ZNF423: variants seen among roughly 807,000 people sequenced by gnomAD.
ZNF423 encodes Ebf-associated zinc finger protein.
ZNF423 carries 12 observed loss-of-function variants against 95.8 expected under a neutral mutation model. That is an observed-to-expected ratio of 0.13 (90% CI 0.08 to 0.20). The LOEUF (loss-of-function observed/expected upper bound fraction) is 0.20. Among genes scored for constraint, ZNF423 ranks in the 10% least tolerant of loss-of-function variants. The pLI is 1.00. For synonymous variants in ZNF423, 749 were observed against 711.9 expected, an observed-to-expected ratio of 1.05 and a Z score of -0.83; for missense variants, 1,316 against 1,737.1, an observed-to-expected ratio of 0.76 and a Z score of 4.31.
intron 1 of ZNF423, among the ~76,000 whole-genome samples, chr16:49,848,754 CATA>C (rs1297382639): frequency 1.3e-5 from 2 of 152,122 alleles, no homozygotes; most frequent in Admixed American, 1.3e-4. Flanking sequence ...TCTGGTGGTT[CATA>C]ATAATAACTT....
intron 3 of ZNF423, among the ~76,000 whole-genome samples, chr16:49,657,317 C>A (rs1472353452): frequency 6.6e-6 from 1 of 152,228 alleles, no homozygotes; most frequent in Non-Finnish European, 1.5e-5. Context: ...CACTCCCTGT[C>A]TCCAGCCATG....
In ZNF423 at chr16:49,489,007, C is replaced by T. The variant is rs1469824595; in HGVS notation, c.*2268G>A. Reference sequence around the variant, plus strand: ...TACCTCACGGTCCCCTAGGCCGCCTCTCTCCTTACCCAAGGCATCAGCCGG... The same window carrying T: ...TACCTCACGGTCCCCTAGGCCGCCTTTCTCCTTACCCAAGGCATCAGCCGG... On this transcript the variant is annotated 3_prime_UTR_variant, in exon 8 of 8. Transcript: ENST00000563137. 6.6e-6 allele frequency: 1 copy of T among 152,248 alleles called. No homozygotes were observed. Among genetic ancestry groups the T allele is most frequent in the Non-Finnish European group, 1.5e-5 (1 of 68,072 alleles). 9.4% of individuals were successfully genotyped at this position (152,248 alleles called of 1,614,324 possible). A position where few individuals can be genotyped will look rare whatever the true frequency, so the allele number is the denominator to read the frequency against.
intron 2 of ZNF423, among the ~76,000 whole-genome samples, chr16:49,739,340 C>T (rs923601856): frequency 9.9e-5 from 15 of 152,172 alleles, no homozygotes; most frequent in Non-Finnish European, 1.5e-4. Context: ...CCGGAGGGGT[C>T]TGGCAGGAGG....
intron 1 of ZNF423, among the ~76,000 whole-genome samples, chr16:49,831,500 G>A (rs2035060514): frequency 6.6e-6 from 1 of 152,124 alleles, no homozygotes; most frequent in African/African-American, 2.4e-5. Flanking sequence ...CACCTATAAA[G>A]CGGAACTAAT....
intron 1 of ZNF423, chr16:49,826,701 A>G (rs2035008897): frequency 6.6e-6 from 1 of 152,252 alleles, no homozygotes. Context: ...TTTTCTACAC[A>G]GAACTATCAG....
intron 5 of ZNF423, among the ~76,000 whole-genome samples, chr16:49,608,602 G>A (rs1349487536): frequency 1.3e-5 from 2 of 152,144 alleles, no homozygotes; most frequent in South Asian, 2.1e-4. Context: ...GTGACAAAGC[G>A]GTGAGGATCC....
At chr16:49,742,936 G>A (rs554528716) in intron 2 of ZNF423, among the ~76,000 whole-genome samples, 1 of 152,228 alleles carries the variant, frequency 6.6e-6, no homozygotes, top group African/African-American at 2.4e-5. Flanking sequence ...GGAGAGCCCA[G>A]AGCCCAGGGG....
At chr16:49,854,898 G>GAGGGT (rs2035342277) in intron 1 of ZNF423, 1 of 985,138 alleles carries the variant, frequency 1.0e-6, no homozygotes, top group African/African-American at 1.7e-5. Flanking sequence ...ACAGAAAGCC[G>GAGGGT]GCCTGGGTGT....
At chr16:49,822,215 C>T (rs2034952577) in intron 1 of ZNF423, among the ~76,000 whole-genome samples, 1 of 151,558 alleles carries the variant, frequency 6.6e-6, no homozygotes, top group African/African-American at 2.4e-5. Flanking sequence ...TCTCTGTTGC[C>T]CAGGCTGGAG....
intron 2 of ZNF423, among the ~76,000 whole-genome samples, chr16:49,760,019 G>A (rs1476068332): frequency 6.8e-6 from 1 of 147,052 alleles, no homozygotes; most frequent in African/African-American, 2.5e-5. Flanking sequence ...TAGATCAATG[G>A]GTGGATGGGT....
intron 5 of ZNF423, among the ~76,000 whole-genome samples, chr16:49,529,206 C>T (rs1196714236): frequency 6.6e-6 from 1 of 151,784 alleles, no homozygotes. Context: ...TGCAGCCCCG[C>T]TCATTTGTAA....
intron 2 of ZNF423, among the ~76,000 whole-genome samples, chr16:49,766,827 T>G (rs1014559189): frequency 5.3e-5 from 8 of 152,222 alleles, no homozygotes; most frequent in African/African-American, 1.9e-4. Flanking sequence ...CTAGGACCTC[T>G]GATCCCATTT....
At chr16:49,740,099 C>A (rs566823351) in intron 2 of ZNF423, among the ~76,000 whole-genome samples, 8 of 152,174 alleles carry the variant, frequency 5.3e-5, no homozygotes, top group Admixed American at 3.9e-4. Flanking sequence ...AAACTCCCAG[C>A]CTCAAGTAAT....
intron 2 of ZNF423, among the ~76,000 whole-genome samples, chr16:49,788,022 C>T (rs1287539920): frequency 2.0e-5 from 3 of 152,206 alleles, no homozygotes; most frequent in African/African-American, 4.8e-5. Context: ...AGGAGACACA[C>T]GGGGGGCTAC....
At chr16:49,726,778 C>T (rs918181878) in intron 3 of ZNF423, among the ~76,000 whole-genome samples, 6 of 141,586 alleles carry the variant, frequency 4.2e-5, no homozygotes, top group African/African-American at 1.6e-4. Context: ...TTAATATTTT[C>T]AGAGTATGGA....
chr16:49,537,947 C>A (rs145670822), intron 5 of ZNF423, among the ~76,000 whole-genome samples: 2 of 152,160 alleles, frequency 1.3e-5, no homozygotes, highest in African/African-American at 2.4e-5. Flanking sequence ...CACCTCTGGG[C>A]GGCTTAGACC....
chr16:49,642,154 C>A (rs977939432), intron 3 of ZNF423, among the ~76,000 whole-genome samples: 2 of 152,194 alleles, frequency 1.3e-5, no homozygotes, highest in Non-Finnish European at 1.5e-5. Context: ...TGTCTATTAT[C>A]GCAATTAATT....
chr16:49,586,693 C>T lies in ZNF423; in HGVS notation c.3601+39477G>A, dbSNP rs149504929. Among the ~76,000 whole-genome samples the T allele has an allele frequency of 1.1e-4, 17 of 151,818 alleles. No homozygotes were observed. In the East Asian group the frequency reaches 3.1e-3, roughly 28 times the overall value. The stretch of plus-strand genomic sequence containing the variant: ...GCCAGGGGATCTCTTAGGAGGTCTG[C>T]TCTAATATCACAACTGCCTCGCTGC... On this transcript the variant is annotated intron_variant, in intron 5 of 7. Coordinates refer to ENST00000563137, the MANE Select transcript of ZNF423 (RefSeq NM_001379286.1).
At chr16:49,706,498 T>C (rs1050653958) in intron 3 of ZNF423, among the ~76,000 whole-genome samples, 1 of 152,202 alleles carries the variant, frequency 6.6e-6, no homozygotes, top group Non-Finnish European at 1.5e-5. Context: ...TGCCCCACCA[T>C]TCACAACAGA....
Sources: allele counts gnomAD v4.1 joint callset (sites outside exome capture counted in the v4.1 genomes callset), GRCh38; gene constraint gnomAD v4.1.1; transcripts MANE v1.5; gene names NCBI Gene and HGNC (gene_info 2026-07-23, HGNC 2026-07-21).